The following INPP5B variants were observed in gnomAD, a reference collection of about 807,000 sequenced individuals.
The protein encoded by INPP5B is type II inositol 1,4,5-trisphosphate 5-phosphatase.
A neutral mutation model predicts 118.5 loss-of-function variants in INPP5B; 90 were observed. The ratio of observed to expected loss-of-function variants is 0.76; its 90% confidence interval spans 0.64 to 0.90. The LOEUF (loss-of-function observed/expected upper bound fraction) is 0.90, where lower values mean the gene tolerates loss of function less well. Ranked by LOEUF, INPP5B falls within the 40% of genes least tolerant of loss-of-function variation. INPP5B has a pLI of 0.00. For missense variants in INPP5B, 984 were observed against 1,125.6 expected (o/e 0.87, Z 1.80); for synonymous variants, 385 against 418.9 (o/e 0.92, Z 0.99).
intron 7 of INPP5B, among the ~76,000 whole-genome samples, chr1:37,893,089 T>TC (rs1227912220): frequency 2.4e-4 from 18 of 76,030 alleles, no homozygotes; most frequent in African/African-American, 5.7e-4. Context: ...CTTTTTCTTT[T>TC]TTTTTTTTTT....
chr1:37,885,852 C>T, intron 12 of INPP5B, 27 bp from the exon 13 acceptor site: 1 of 1,605,308 alleles, frequency 6.2e-7, no homozygotes, highest in Non-Finnish European at 8.5e-7. Context: ...CAAAGAAATC[C>T]AATTCAAACT....
Position 37,900,818 on chromosome 1 carries a change from G to GT in INPP5B, c.533-9365dup, listed in dbSNP as rs1052343090. ...TAATTTTTGTTTTCGGTTTTTGTTT[G>GT]TTTTTTTTTTGAGACAGAGTCTCTC... On this transcript the variant is annotated intron_variant, in intron 7 of 23. Coordinates refer to ENST00000373024, the MANE Select transcript of INPP5B (RefSeq NM_005540.3). Among the ~76,000 whole-genome samples the GT allele has an allele frequency of 7.5e-3, 1,064 of 141,632 alleles. 13 individuals carry two copies. Among genetic ancestry groups the GT allele is most frequent in the African/African-American group, 0.023 (896 of 38,804 alleles). The allele number at this position is 141,632 out of a possible 152,430, so 92.9% of individuals were successfully genotyped here.
At chr1:37,897,452 T>C (rs1158179367) in intron 7 of INPP5B, among the ~76,000 whole-genome samples, 1 of 151,836 alleles carries the variant, frequency 6.6e-6, no homozygotes, top group East Asian at 1.9e-4. Flanking sequence ...CTGTGCTCTC[T>C]GAAACATGCG....
intron 6 of INPP5B, among the ~76,000 whole-genome samples, chr1:37,936,052 T>C (rs941399920): frequency 6.6e-6 from 1 of 151,238 alleles, no homozygotes; most frequent in Non-Finnish European, 1.5e-5. Context: ...GGCGACAGAG[T>C]GAGACTCCGT....
chr1:37,863,551 T>G (rs532361080), intron 23 of INPP5B, among the ~76,000 whole-genome samples: 1 of 150,614 alleles, frequency 6.6e-6, no homozygotes, highest in Non-Finnish European at 1.5e-5. Context: ...AAGCTGGGCA[T>G]AGTGGCAAGC....
chr1:37,900,952 C>T (rs1238086454), intron 7 of INPP5B, among the ~76,000 whole-genome samples: 1 of 152,026 alleles, frequency 6.6e-6, no homozygotes, highest in Non-Finnish European at 1.5e-5. Flanking sequence ...GCTGGGATTA[C>T]AGGCATGCGC....
intron 1 of INPP5B, among the ~76,000 whole-genome samples, chr1:37,946,611 T>C (rs1646120502): frequency 6.6e-6 from 1 of 152,192 alleles, no homozygotes; most frequent in Non-Finnish European, 1.5e-5. Context: ...GTGTGGTCTA[T>C]CCTTGTTGGA....
intron 7 of INPP5B, among the ~76,000 whole-genome samples, chr1:37,919,684 A>C (rs1275715076): frequency 6.6e-6 from 1 of 152,210 alleles, no homozygotes; most frequent in Non-Finnish European, 1.5e-5. Flanking sequence ...TAATCCCAGC[A>C]CTTTGGGAAG....
chr1:37,915,742 T>G (rs1644840096), intron 7 of INPP5B, among the ~76,000 whole-genome samples: 1 of 152,244 alleles, frequency 6.6e-6, no homozygotes, highest in Admixed American at 6.5e-5. Context: ...GATTTCTTTT[T>G]CTTTTTGCTT....
At chr1:37,904,564 C>G (rs1265685842) in intron 7 of INPP5B, among the ~76,000 whole-genome samples, 1 of 152,070 alleles carries the variant, frequency 6.6e-6, no homozygotes, top group East Asian at 1.9e-4. Context: ...GAGCACTAAT[C>G]TGCTCTTCAA....
intron 6 of INPP5B, among the ~76,000 whole-genome samples, chr1:37,939,645 G>A (rs142534372): frequency 0.018 from 2,233 of 124,098 alleles, 41 homozygotes; most frequent in African/African-American, 0.042. Flanking sequence ...GGGTTTCACC[G>A]TGTTAGCTAG....
chr1:37,889,276 C>T (rs755615314), intron 9 of INPP5B, among the ~76,000 whole-genome samples: 6 of 152,012 alleles, frequency 3.9e-5, no homozygotes, highest in Admixed American at 6.6e-5. Context: ...ATCAGGATGG[C>T]GCTCCTTCTT....
chr1:37,871,729 C>T (rs1177368917), intron 19 of INPP5B, among the ~76,000 whole-genome samples: 3 of 151,138 alleles, frequency 2.0e-5, no homozygotes, highest in Admixed American at 6.6e-5. Context: ...ATGGTGAAAT[C>T]CCGTCTCTAC....
rs149946428 is a variant in INPP5B, at chr1:37,943,918, G to T, written c.153-25C>A. 89 of 1,557,838 alleles carry T rather than the reference G, an allele frequency of 5.7e-5. 1 individual carries two copies. In the East Asian group the frequency reaches 2.0e-3, roughly 34 times the overall value. ...ACTAAGGGCAGGAAGCAGAGGTGAG[G>T]ATGGGGGCCCGCTGGCTGTCCCTCA... On this transcript the variant is annotated intron_variant, in intron 3 of 23. Transcript: ENST00000373024.
chr1:37,941,965 A>ATG (rs1645943933), intron 5 of INPP5B: 1 of 91,098 alleles, frequency 1.1e-5, no homozygotes. Flanking sequence ...AAAAATATAT[A>ATG]TATATATATA....
At chr1:37,927,693 T>C (rs962185888) in intron 7 of INPP5B, among the ~76,000 whole-genome samples, 13 of 151,854 alleles carry the variant, frequency 8.6e-5, no homozygotes, top group East Asian at 5.8e-4. Context: ...CCCACCACCA[T>C]GCCCGGCTAA....
At chr1:37,919,804 G>A (rs750915885) in intron 7 of INPP5B, among the ~76,000 whole-genome samples, 5 of 152,124 alleles carry the variant, frequency 3.3e-5, no homozygotes, top group African/African-American at 9.6e-5. Flanking sequence ...TTAGCCAGGC[G>A]TGGTGGCAGG....
rs554210677 is a variant in INPP5B, at chr1:37,917,202, T to C, written c.532+14711A>G. On this transcript the variant is annotated intron_variant, in intron 7 of 23. Coordinates refer to ENST00000373024, the MANE Select transcript of INPP5B (RefSeq NM_005540.3). ...TACTCGGGAGGCTGAGGCAGGAGAA[T>C]TGCTTGAACCCGGGAGGCAGAGGTT... 5.5e-4 allele frequency among the ~76,000 whole-genome samples: 79 copies of C among 144,682 alleles called. 2 individuals carry two copies. The South Asian group carries it at 0.015, about 27-fold the overall frequency. 94.9% of individuals were successfully genotyped at this position (144,682 alleles called of 152,430 possible). A position where few individuals can be genotyped will look rare whatever the true frequency, so the allele number is the denominator to read the frequency against.
chr1:37,878,460 G>A (rs1293171701), intron 15 of INPP5B, 137 bp from the exon 16 acceptor site: 3 of 1,459,862 alleles, frequency 2.1e-6, no homozygotes, highest in Non-Finnish European at 2.7e-6. Context: ...GGCAGCAAGA[G>A]CAATTCGGGC....
Sources: gnomAD v4.1 joint callset for allele counts (sites outside exome capture counted in the v4.1 genomes callset) on GRCh38, gnomAD v4.1.1 for gene constraint, MANE v1.5 for transcripts, NCBI Gene and HGNC (gene_info 2026-07-23, HGNC 2026-07-21) for gene names.